The following EPS15 variants were observed in gnomAD, a reference collection of about 807,000 sequenced individuals.
EPS15 encodes epidermal growth factor receptor substrate 15.
A neutral mutation model predicts 113.8 loss-of-function variants in EPS15; 72 were observed. That is an observed-to-expected ratio of 0.63 (90% CI 0.52 to 0.77). The LOEUF (loss-of-function observed/expected upper bound fraction) is 0.77. Ranked by LOEUF, EPS15 falls within the 30% of genes least tolerant of loss-of-function variation. EPS15 has a pLI of 0.00. For synonymous variants in EPS15, 344 were observed against 363.4 expected, an observed-to-expected ratio of 0.95 and a Z score of 0.61; for missense variants, 1,048 against 1,045.8, an observed-to-expected ratio of 1.00 and a Z score of -0.03.
chr1:51,463,676 TC>T lies in EPS15; in HGVS notation c.497del (p.Gly166GlufsTer6). The T allele has an allele frequency of 6.3e-7, 1 of 1,581,732 alleles. No individual in the cohort carries two copies. The highest frequency in any genetic ancestry group is 8.7e-7 in the Non-Finnish European group (1 of 1,155,234). ...LNSKLPVDIL[G>X]RVWELSDIDH... ...TTCGGAGTAAATAATATCTTACTCT[TC>T]CAAGGATATCCACAGGTAACTTAGA... On this transcript the variant is annotated frameshift_variant, in exon 7 of 25. Transcript: ENST00000371733. LOFTEE classifies it high-confidence loss of function.
chr1:51,400,935 T>A lies in EPS15; in HGVS notation c.1901A>T (p.Asp634Val). ...ATACTGACCGATTTTTCCAAAAGGA[T>A]CATCCTTGAAAGGATCACCTGTGAT... The part of the protein sequence containing the change: ...PFVGSDPFKD[D>V]PFGKIDPFGG... Residue 634 changes from aspartate (D) to valine (V), a missense_variant, in exon 19 of 25, where the codon GAT becomes GTT. Asp to Val is a radical substitution (Grantham distance 152, BLOSUM62 -3). Coordinates refer to ENST00000371733, the MANE Select transcript of EPS15 (RefSeq NM_001981.3). The A allele has an allele frequency of 1.3e-6, 2 of 1,588,330 alleles. No homozygotes were observed. The highest frequency in any genetic ancestry group is 1.7e-6 in the Non-Finnish European group (2 of 1,166,512).
intron 2 of EPS15, among the ~76,000 whole-genome samples, chr1:51,479,848 C>T (rs1255792467): frequency 6.6e-6 from 1 of 152,186 alleles, no homozygotes; most frequent in Non-Finnish European, 1.5e-5. Context: ...GAAAACTGGG[C>T]TGCTACCTGG....
At chr1:51,419,700 T>C (rs1254168256) in intron 13 of EPS15, among the ~76,000 whole-genome samples, 1 of 152,100 alleles carries the variant, frequency 6.6e-6, no homozygotes, top group African/African-American at 2.4e-5. Flanking sequence ...CCAGGGAAAT[T>C]AGAAAGTAAG....
At chr1:51,446,447 G>A (rs1653053391) in intron 10 of EPS15, among the ~76,000 whole-genome samples, 1 of 146,780 alleles carries the variant, frequency 6.8e-6, no homozygotes, top group Non-Finnish European at 1.5e-5. Flanking sequence ...AACTGACACT[G>A]TCATTCTTTT....
intron 1 of EPS15, among the ~76,000 whole-genome samples, chr1:51,515,924 T>C (rs896529766): frequency 2.6e-5 from 4 of 152,220 alleles, no homozygotes; most frequent in Non-Finnish European, 5.9e-5. Context: ...TCCTGGCATA[T>C]AGTAATTCCC....
At chr1:51,493,523 T>C (rs1162854269) in intron 1 of EPS15, among the ~76,000 whole-genome samples, 1 of 129,444 alleles carries the variant, frequency 7.7e-6, no homozygotes, top group Non-Finnish European at 1.6e-5. Context: ...AGACTCAGTC[T>C]CAAATTAAAT....
intron 8 of EPS15, among the ~76,000 whole-genome samples, chr1:51,450,693 G>A (rs72696135): frequency 0.03 from 4,606 of 151,740 alleles, 123 homozygotes; most frequent in African/African-American, 0.051. Flanking sequence ...TTGCAAATGT[G>A]TTTCCCCTTC....
intron 1 of EPS15, among the ~76,000 whole-genome samples, chr1:51,492,893 C>G (rs113393126): frequency 1.3e-5 from 2 of 152,342 alleles, no homozygotes; most frequent in Non-Finnish European, 2.9e-5. Context: ...TGCTCACCAG[C>G]AGCTTGTCCA....
At position 51,423,158 on chromosome 1, in the gene EPS15, T is replaced by C. The variant is rs12063631; in HGVS notation, c.1041-1300A>G. ...GAAGAAAGCATACAAATAAAGCTAT[T>C]TGTACACTGTTACTTTTAAACATTT... is the stretch of plus-strand genomic sequence containing the variant. On this transcript the variant is annotated intron_variant, in intron 12 of 24. Coordinates refer to ENST00000371733, the MANE Select transcript of EPS15 (RefSeq NM_001981.3). The C allele has an allele frequency of 1.2e-3, 1,540 of 1,261,856 alleles. 18 individuals are homozygous for C. The African/African-American group carries it at 0.022, about 18-fold the overall frequency. 78.2% of individuals were successfully genotyped at this position (1,261,856 alleles called of 1,614,324 possible). A position where few individuals can be genotyped will look rare whatever the true frequency, so the allele number is the denominator to read the frequency against.
Position 51,409,593 on chromosome 1 carries a change from G to A in EPS15, c.1217C>T (p.Ala406Val). 6.2e-7 allele frequency: 1 copy of A among 1,613,982 alleles called. No homozygotes were observed. Among genetic ancestry groups the A allele is most frequent in the Admixed American group, 1.7e-5 (1 of 59,960 alleles). The part of the protein sequence containing the change: ...ELLDELDEQK[A>V]QLEEQLKEVR... ...TTCCTTGAGTTGCTCCTCCAGCTGG[G>A]CTTTCTGCTCATCCAGTTCATCAAG... Residue 406 changes from alanine to valine, a missense_variant, in exon 14 of 25, where the codon GCC becomes GTC. Physicochemically the swap from Ala to Val is moderately conservative, Grantham distance 64. Transcript: ENST00000371733.
rs61758157 is a variant in EPS15 at position 51,446,966 on chromosome 1, T to C, written c.791A>G (p.His264Arg). Residue 264 changes from histidine to arginine, a missense_variant, in exon 10 of 25, where the codon CAT becomes CGT. Physicochemically the swap from His to Arg is conservative, Grantham distance 29. Coordinates refer to ENST00000371733, the MANE Select transcript of EPS15 (RefSeq NM_001981.3). ...AATTCAAATAAAGTCTTACCATATA[T>C]GGGCTAGTAAGGTAGAAGGTAAACC... ...KTGLPSTLLAHIWSLCDTKDC... is the reference protein window; with the variant it reads ...KTGLPSTLLARIWSLCDTKDC... 6.8e-4 allele frequency: 1,095 copies of C among 1,605,624 alleles called. 8 individuals are homozygous for C. The African/African-American group carries it at 0.012, about 18-fold the overall frequency.
chr1:51,462,979 C>A (rs943616034), intron 7 of EPS15, among the ~76,000 whole-genome samples: 1 of 149,580 alleles, frequency 6.7e-6, no homozygotes, highest in African/African-American at 2.5e-5. Context: ...TGGGTTCACG[C>A]GATTCTTCTG....
chr1:51,483,398 AGTGTGTGTGTGT>A (rs58892404), intron 1 of EPS15, among the ~76,000 whole-genome samples: 6,293 of 141,762 alleles, frequency 0.044, 157 homozygotes, highest in Non-Finnish European at 0.052. Flanking sequence ...CAAGACTGCA[AGTGTGTGTGTGT>A]GTGTGTGTGT....
intron 16 of EPS15, among the ~76,000 whole-genome samples, chr1:51,404,289 A>C (rs1233444396): frequency 1.3e-5 from 2 of 151,644 alleles, no homozygotes; most frequent in Non-Finnish European, 2.9e-5. Flanking sequence ...GAGGCAGGAG[A>C]ATAGCTTGAA....
chr1:51,431,330 C>T (rs929061948), intron 12 of EPS15, among the ~76,000 whole-genome samples: 1 of 151,850 alleles, frequency 6.6e-6, no homozygotes, highest in Non-Finnish European at 1.5e-5. Context: ...GAAAAGAGAG[C>T]CTAAGTAGAA....
intron 1 of EPS15, among the ~76,000 whole-genome samples, chr1:51,505,561 T>C (rs897221688): frequency 6.6e-6 from 1 of 152,164 alleles, no homozygotes; most frequent in Non-Finnish European, 1.5e-5. Context: ...ACAAGTTTCT[T>C]TCTGAGGTGA....
chr1:51,408,982 T>C (rs1649424117), intron 14 of EPS15, among the ~76,000 whole-genome samples: 1 of 152,128 alleles, frequency 6.6e-6, no homozygotes, highest in Non-Finnish European at 1.5e-5. Flanking sequence ...GTATTTTTAG[T>C]AGAGACGGGG....
chr1:51,468,602 C>T (rs1655019074), intron 4 of EPS15, 34 bp from the exon 5 acceptor site: 8 of 1,398,192 alleles, frequency 5.7e-6, no homozygotes, highest in Non-Finnish European at 8.1e-6. Flanking sequence ...TAAGAGCATT[C>T]TCCCTCTACC....
At chr1:51,458,145 T>A (rs1398683861) in intron 8 of EPS15, 2 of 151,716 alleles carry the variant, frequency 1.3e-5, no homozygotes, top group Non-Finnish European at 2.9e-5. Flanking sequence ...TAGGAAAAAA[T>A]TCTGAAGAAT....
Sources: allele counts gnomAD v4.1 joint callset (sites outside exome capture counted in the v4.1 genomes callset), GRCh38; gene constraint gnomAD v4.1.1; transcripts MANE v1.5; gene names NCBI Gene and HGNC (gene_info 2026-07-23, HGNC 2026-07-21).